The following CHCHD6 variants were observed in gnomAD, a reference collection of about 807,000 sequenced individuals.
The protein encoded by CHCHD6 is MICOS complex subunit MIC25.
In CHCHD6, 28 loss-of-function variants were observed where a neutral mutation model predicts 32.3. The ratio of observed to expected loss-of-function variants is 0.87; its 90% CI spans 0.64 to 1.19. The LOEUF (loss-of-function observed/expected upper bound fraction) is 1.19. CHCHD6 is among the 50% of genes most tolerant of loss of function. The pLI, the probability that CHCHD6 is intolerant of heterozygous loss-of-function variation, is 0.00. For missense variants in CHCHD6, 333 were observed against 307.0 expected, an observed-to-expected ratio of 1.08 and a Z score of -0.63; for synonymous variants, 122 against 117.5, an observed-to-expected ratio of 1.04 and a Z score of -0.25.
At chr3:126,916,424 C>A (rs2078172512) in intron 6 of CHCHD6, among the ~76,000 whole-genome samples, 1 of 150,320 alleles carries the variant, frequency 6.7e-6, no homozygotes, top group Non-Finnish European at 1.5e-5. Flanking sequence ...AAAAGAAGGC[C>A]AATTATCCTG....
intron 4 of CHCHD6, among the ~76,000 whole-genome samples, chr3:126,790,439 C>T (rs951841561): frequency 1.3e-5 from 2 of 152,214 alleles, no homozygotes; most frequent in African/African-American, 4.8e-5. Flanking sequence ...GTTCCATTCT[C>T]CCTGTCACTT....
At chr3:126,781,006 C>T (rs1285240457) in intron 4 of CHCHD6, among the ~76,000 whole-genome samples, 1 of 152,136 alleles carries the variant, frequency 6.6e-6, no homozygotes, top group African/African-American at 2.4e-5. Flanking sequence ...GCACATGTCT[C>T]ATTGGCTGGA....
At chr3:126,940,335 T>C (rs1262261487) in intron 6 of CHCHD6, among the ~76,000 whole-genome samples, 2 of 152,246 alleles carry the variant, frequency 1.3e-5, no homozygotes, top group African/African-American at 2.4e-5. Context: ...TTTTCCCTCA[T>C]CTATATGCTG....
chr3:126,875,449 G>A (rs771702033), intron 5 of CHCHD6, among the ~76,000 whole-genome samples: 1 of 152,254 alleles, frequency 6.6e-6, no homozygotes, highest in Non-Finnish European at 1.5e-5. Flanking sequence ...AGGTGCTGGC[G>A]CACTGCTCTC....
intron 5 of CHCHD6, among the ~76,000 whole-genome samples, chr3:126,856,567 T>C (rs907925770): frequency 2.6e-5 from 4 of 152,246 alleles, no homozygotes; most frequent in African/African-American, 9.6e-5. Context: ...GTTGCCAGTT[T>C]GTAATTTTCT....
intron 4 of CHCHD6, among the ~76,000 whole-genome samples, chr3:126,764,032 C>A (rs1937258766): frequency 6.6e-6 from 1 of 151,628 alleles, no homozygotes; most frequent in Non-Finnish European, 1.5e-5. Context: ...TAGCTCTGCT[C>A]CCCTATTTAT....
chr3:126,828,727 C>A (rs1282529675), intron 4 of CHCHD6, among the ~76,000 whole-genome samples: 1 of 152,188 alleles, frequency 6.6e-6, no homozygotes, highest in Non-Finnish European at 1.5e-5. Flanking sequence ...TCCAGTACCC[C>A]TTCAGTCCAG....
At chr3:126,802,252 G>A (rs987187786) in intron 4 of CHCHD6, among the ~76,000 whole-genome samples, 18 of 152,164 alleles carry the variant, frequency 1.2e-4, no homozygotes, top group Non-Finnish European at 2.2e-4. Flanking sequence ...GGCTTCAGAC[G>A]ATCAAACTAC....
chr3:126,731,076 C>T (rs1935776625), intron 3 of CHCHD6, among the ~76,000 whole-genome samples: 1 of 141,006 alleles, frequency 7.1e-6, no homozygotes, highest in African/African-American at 2.7e-5. Context: ...CCACTGAACT[C>T]CAGCCTTGGT....
At chr3:126,934,536 CTTTTTTTTTT>C (rs386397861) in intron 6 of CHCHD6, among the ~76,000 whole-genome samples, 42 of 58,244 alleles carry the variant, frequency 7.2e-4, no homozygotes, top group Non-Finnish European at 1.1e-3. Flanking sequence ...CCCCTCTCTG[CTTTTTTTTTT>C]TTTTTTTTTT....
chr3:126,815,077 GGCAGAGGA>G (rs1296384618), intron 4 of CHCHD6, among the ~76,000 whole-genome samples: 2 of 152,162 alleles, frequency 1.3e-5, no homozygotes, highest in Non-Finnish European at 2.9e-5. Flanking sequence ...GTGGTGTGAG[GGCAGAGGA>G]AAAATGATTT....
intron 4 of CHCHD6, among the ~76,000 whole-genome samples, chr3:126,764,559 GGTTCT>G (rs1206906371): frequency 6.6e-6 from 1 of 152,208 alleles, no homozygotes; most frequent in African/African-American, 2.4e-5. Flanking sequence ...CCCTGGCTAG[GGTTCT>G]AGAAGAGGCT....
chr3:126,817,717 G>A (rs1166950765), intron 4 of CHCHD6, among the ~76,000 whole-genome samples: 3 of 152,146 alleles, frequency 2.0e-5, no homozygotes, highest in Non-Finnish European at 4.4e-5. Flanking sequence ...GAGACCTGGC[G>A]GCCTCTGAAC....
intron 5 of CHCHD6, among the ~76,000 whole-genome samples, chr3:126,886,249 C>T (rs745490671): frequency 3.9e-5 from 6 of 152,198 alleles, no homozygotes; most frequent in African/African-American, 9.6e-5. Flanking sequence ...CACAAGTTCT[C>T]TTTTGGAGTT....
intron 1 of CHCHD6, among the ~76,000 whole-genome samples, chr3:126,725,460 C>T (rs1270743814): frequency 1.3e-5 from 2 of 152,190 alleles, no homozygotes; most frequent in Non-Finnish European, 2.9e-5. Flanking sequence ...ATTTCTAGAG[C>T]ACTGGCAGAG....
intron 1 of CHCHD6, among the ~76,000 whole-genome samples, chr3:126,710,390 A>G (rs1934695466): frequency 6.6e-6 from 1 of 151,930 alleles, no homozygotes; most frequent in Admixed American, 6.6e-5. Context: ...TAACTTTGTT[A>G]TTTTTCAAGA....
chr3:126,739,661 G>A (rs992232860), intron 4 of CHCHD6, among the ~76,000 whole-genome samples: 3 of 152,226 alleles, frequency 2.0e-5, no homozygotes, highest in African/African-American at 7.2e-5. Flanking sequence ...AGACAGCCCA[G>A]TGGGCTGTAT....
At chr3:126,927,775 T>C (rs930436388) in intron 6 of CHCHD6, among the ~76,000 whole-genome samples, 1 of 152,240 alleles carries the variant, frequency 6.6e-6, no homozygotes. Flanking sequence ...AATCTTTTTT[T>C]CTTTTTTTAA....
intron 5 of CHCHD6, among the ~76,000 whole-genome samples, chr3:126,886,501 G>C (rs188983574): frequency 1.3e-5 from 2 of 152,120 alleles, no homozygotes; most frequent in East Asian, 3.9e-4. Flanking sequence ...CAGTGCTTAC[G>C]TTCACCTAAC....
Sources: gnomAD v4.1 joint callset for allele counts (sites outside exome capture counted in the v4.1 genomes callset) on GRCh38, gnomAD v4.1.1 for gene constraint, MANE v1.5 for transcripts, NCBI Gene and HGNC (gene_info 2026-07-23, HGNC 2026-07-21) for gene names.